Variants in ZNF334 observed in about 807,000 individuals in gnomAD.
ZNF334 encodes zinc finger protein 334.
A neutral mutation model predicts 12.4 loss-of-function variants in ZNF334; 14 were observed. That is an observed-to-expected ratio of 1.13 (90% CI 0.74 to 1.76). The LOEUF (loss-of-function observed/expected upper bound fraction) is 1.76, where lower values mean the gene tolerates loss of function less well. Among genes scored for constraint, ZNF334 ranks in the 40% most tolerant of loss-of-function variants. ZNF334 has a pLI of 0.00. For synonymous variants in ZNF334, 273 were observed against 269.6 expected, an observed-to-expected ratio of 1.01 and a Z score of -0.12; for missense variants, 797 against 804.5, an observed-to-expected ratio of 0.99 and a Z score of 0.11.
chr20:46,477,340 T>C, the ZNF334 span: 1 of 151,732 alleles, frequency 6.6e-6, no homozygotes, highest in Non-Finnish European at 1.5e-5. Context: ...TTTTGTTTTT[T>C]GGTTTTTTTT....
downstream of ZNF334, among the ~76,000 whole-genome samples, chr20:46,495,831 C>T (rs1208720559): frequency 6.6e-6 from 1 of 152,136 alleles, no homozygotes; most frequent in Non-Finnish European, 1.5e-5. Flanking sequence ...TGATCATAGG[C>T]CACTGTAGTG....
the ZNF334 span, chr20:46,492,908 C>T: frequency 1.3e-5 from 2 of 151,788 alleles, no homozygotes; most frequent in Non-Finnish European, 2.9e-5. Flanking sequence ...ATAGTGAAAC[C>T]CCATCTCTCC....
the ZNF334 span, chr20:46,464,144 C>A: frequency 1.8e-6 from 1 of 545,654 alleles, no homozygotes; most frequent in Non-Finnish European, 3.6e-6. Context: ...TTTCTATGGC[C>A]ATCAGGGAAT....
At chr20:46,497,856 G>A (rs1324762369), downstream of ZNF334, among the ~76,000 whole-genome samples, 1 of 152,188 alleles carries the variant, frequency 6.6e-6, no homozygotes, top group African/African-American at 2.4e-5. Context: ...ATATGTGTGA[G>A]CCAGCATGGC....
At position 46,501,442 on chromosome 20, in the gene ZNF334, A is replaced by G; in HGVS notation, c.1897T>C (p.Cys633Arg). Residue 633 changes from cysteine to arginine, a missense_variant, in exon 5 of 5, where the codon TGT (cysteine) becomes CGT (arginine). Coordinates refer to ENST00000692313, the MANE Select transcript of ZNF334 (RefSeq NM_001353824.2). ...CACAGGCGACGGTAGGTTTTCCCAC[A>G]TTGATTACATTCATATGGTTTCTCT... ...TGEKPYECNQ[C>R]GKTYRRLWTL... 1 of 1,614,114 alleles carries G rather than the reference A, an allele frequency of 6.2e-7. No individual in the cohort carries two copies. The highest frequency in any genetic ancestry group is 8.5e-7 in the Non-Finnish European group (1 of 1,180,010).
the ZNF334 span, among the ~76,000 whole-genome samples, chr20:46,472,843 G>C: frequency 1.3e-5 from 2 of 152,204 alleles, no homozygotes; most frequent in African/African-American, 4.8e-5. Flanking sequence ...GATGAGAGAC[G>C]ACGGTGGCTT....
the ZNF334 span, among the ~76,000 whole-genome samples, chr20:46,488,347 T>C: frequency 6.7e-6 from 1 of 148,742 alleles, no homozygotes; most frequent in Non-Finnish European, 1.5e-5. Context: ...GTCTTTAACT[T>C]ATCACAATCT....
At chr20:46,488,193 C>T in the ZNF334 span, among the ~76,000 whole-genome samples, 3 of 150,408 alleles carry the variant, frequency 2.0e-5, no homozygotes, top group African/African-American at 7.3e-5. Context: ...GTTCTTCCCC[C>T]TTTTCTCCTT....
chr20:46,496,449 CAA>C (rs752013261), downstream of ZNF334, among the ~76,000 whole-genome samples: 3 of 152,298 alleles, frequency 2.0e-5, no homozygotes, highest in South Asian at 2.1e-4. Context: ...AGACTCTTTA[CAA>C]AAGTGTGGGA....
intron 2 of ZNF334, among the ~76,000 whole-genome samples, 173 bp downstream of exon 2, chr20:46,511,909 T>C (rs2061664639): frequency 6.6e-6 from 1 of 152,252 alleles, no homozygotes; most frequent in South Asian, 2.1e-4. Context: ...TGGAACCATT[T>C]GAGTAACTCT....
chr20:46,509,083 C>A (rs2145995703), intron 2 of ZNF334, among the ~76,000 whole-genome samples: 2 of 152,248 alleles, frequency 1.3e-5, no homozygotes, highest in South Asian at 4.2e-4. Context: ...AGAAATTTAA[C>A]CTAAAAGTAA....
the ZNF334 span, among the ~76,000 whole-genome samples, chr20:46,494,289 T>C: frequency 7.2e-5 from 11 of 152,232 alleles, no homozygotes; most frequent in African/African-American, 2.4e-4. Flanking sequence ...CCTCAATCCA[T>C]AGACACTATT....
At chr20:46,487,108 C>T in the ZNF334 span, among the ~76,000 whole-genome samples, 1 of 152,036 alleles carries the variant, frequency 6.6e-6, no homozygotes, top group Non-Finnish European at 1.5e-5. Flanking sequence ...AGAAATCCTT[C>T]GTTTTTTATC....
chr20:46,510,336 G>T (rs2061598134), intron 2 of ZNF334, among the ~76,000 whole-genome samples: 1 of 151,664 alleles, frequency 6.6e-6, no homozygotes, highest in Admixed American at 6.6e-5. Flanking sequence ...GAGAGGAGGA[G>T]ATGGAAGTGA....
chr20:46,463,605 TTGAAAACAGATGACACAACACACC>T, the ZNF334 span: 1 of 180,718 alleles, frequency 5.5e-6, no homozygotes, highest in South Asian at 1.3e-4. Context: ...CACAATCTGG[TTGAAAACAGATGACACAACACACC>T]TACACGAACT....
chr20:46,468,912 A>G, the ZNF334 span, among the ~76,000 whole-genome samples: 2 of 152,212 alleles, frequency 1.3e-5, no homozygotes, highest in African/African-American at 4.8e-5. Flanking sequence ...TGTATAATTG[A>G]AATTCCTGTA....
At position 46,504,616 on chromosome 20, in the gene ZNF334, A is replaced by C. The variant is rs763396832; in HGVS notation, c.146T>G (p.Val49Gly). ...TTGTACAGGGAAATAGTCCTTACCC[A>C]CAGAGACCAAGTTGCTGTAGTTCTC... is the stretch of plus-strand genomic sequence containing the variant. Reference protein sequence around the residue: ...MLENYSNLVSVGYHVSKPDVI... With the variant: ...MLENYSNLVSGGYHVSKPDVI... The change falls in exon 3 of 5, where the codon GTG becomes GGG. Residue 49 changes from valine to glycine, a missense_variant and splice_region_variant. Physicochemically the swap from Val to Gly is moderately radical, Grantham distance 109 (BLOSUM62 -3). Transcript: ENST00000692313. The C allele has an allele frequency of 2.5e-6, 4 of 1,598,614 alleles. No individual in the cohort carries two copies. In the South Asian group the frequency reaches 4.5e-5, roughly 18 times the overall value.
downstream of ZNF334, among the ~76,000 whole-genome samples, chr20:46,496,485 G>C (rs1268784701): frequency 6.6e-6 from 1 of 152,202 alleles, no homozygotes; most frequent in Non-Finnish European, 1.5e-5. Flanking sequence ...ACCAACAAGG[G>C]ATTTACCATC....
downstream of ZNF334, among the ~76,000 whole-genome samples, chr20:46,498,946 G>A (rs543654596): frequency 1.1e-4 from 17 of 151,884 alleles, no homozygotes; most frequent in African/African-American, 2.7e-4. Flanking sequence ...AGGCCGAGGC[G>A]GGCGGATCAC....
Sources: gnomAD v4.1 joint callset for allele counts (sites outside exome capture counted in the v4.1 genomes callset) on GRCh38, gnomAD v4.1.1 for gene constraint, MANE v1.5 for transcripts, NCBI Gene and HGNC (gene_info 2026-07-23, HGNC 2026-07-21) for gene names.